C11orf65: variants seen among roughly 807,000 people sequenced by gnomAD.
C11orf65 encodes the protein chromosome 11 open reading frame 65, also known as protein MFI.
A neutral mutation model predicts 35.3 loss-of-function variants in C11orf65; 38 were observed. The observed-to-expected ratio is 1.08, with a 90% confidence interval of 0.83 to 1.41. The LOEUF (loss-of-function observed/expected upper bound fraction) is 1.41. C11orf65 is among the 40% of genes most tolerant of loss of function. The pLI is 0.00. For missense variants in C11orf65, 370 were observed against 367.1 expected, an observed-to-expected ratio of 1.01 and a Z score of -0.06; for synonymous variants, 105 against 114.4, an observed-to-expected ratio of 0.92 and a Z score of 0.53.
intron 2 of C11orf65, among the ~76,000 whole-genome samples, chr11:108,348,834 T>C (rs1369424090): frequency 2.0e-5 from 3 of 152,220 alleles, no homozygotes; most frequent in Non-Finnish European, 4.4e-5. Flanking sequence ...AATTCTCTTC[T>C]GCATAAGTTA....
At chr11:108,399,584 C>A (rs910110362) in intron 6 of C11orf65, among the ~76,000 whole-genome samples, 11 of 152,180 alleles carry the variant, frequency 7.2e-5, no homozygotes, top group African/African-American at 2.7e-4. Flanking sequence ...GTCATGGGGA[C>A]TTCCTATGAA....
At chr11:108,459,808 A>G (rs1345359560) in intron 2 of C11orf65, among the ~76,000 whole-genome samples, 2 of 151,174 alleles carry the variant, frequency 1.3e-5, no homozygotes, top group South Asian at 2.1e-4. Flanking sequence ...AAGCTCCTTC[A>G]AGGGCAAGGA....
At chr11:108,438,076 T>C (rs891170284) in intron 2 of C11orf65, among the ~76,000 whole-genome samples, 6 of 152,180 alleles carry the variant, frequency 3.9e-5, no homozygotes, top group African/African-American at 7.2e-5. Flanking sequence ...TGGAATAGCA[T>C]AGAGAGCCTC....
intron 2 of C11orf65, among the ~76,000 whole-genome samples, chr11:108,453,246 C>G (rs557656699): frequency 4.9e-5 from 7 of 143,678 alleles, no homozygotes; most frequent in African/African-American, 1.5e-4. Flanking sequence ...TTTAATCAAT[C>G]AAAATAACTA....
At chr11:108,413,438 G>GAT (rs957192703) in intron 3 of C11orf65, among the ~76,000 whole-genome samples, 9 of 151,658 alleles carry the variant, frequency 5.9e-5, no homozygotes, top group African/African-American at 1.5e-4. Flanking sequence ...GAGAACATTT[G>GAT]ATATATATAT....
chr11:108,317,578 A>G, intron 6 of C11orf65: 2 of 1,454,364 alleles, frequency 1.4e-6, no homozygotes, highest in Admixed American at 3.7e-5. Flanking sequence ...CTAAACAACA[A>G]CTGTTTTTCT....
At chr11:108,377,879 C>T (rs1324207016), downstream of C11orf65, among the ~76,000 whole-genome samples, 3 of 151,956 alleles carry the variant, frequency 2.0e-5, no homozygotes, top group Non-Finnish European at 4.4e-5. Flanking sequence ...CTCCCATTCA[C>T]AATTGCTTCA....
At chr11:108,401,247 T>A (rs2092433635) in intron 6 of C11orf65, among the ~76,000 whole-genome samples, 1 of 151,490 alleles carries the variant, frequency 6.6e-6, no homozygotes, top group Non-Finnish European at 1.5e-5. Context: ...AGATTGCACA[T>A]AACAGAAACA....
At chr11:108,390,367 T>C (rs972194186) in intron 7 of C11orf65, among the ~76,000 whole-genome samples, 3 of 152,236 alleles carry the variant, frequency 2.0e-5, no homozygotes, top group African/African-American at 7.2e-5. Flanking sequence ...CTTCACCTAC[T>C]ATCACTTAGC....
chr11:108,376,881 A>G (rs1258697096), intron 2 of C11orf65, among the ~76,000 whole-genome samples: 2 of 151,976 alleles, frequency 1.3e-5, no homozygotes, highest in Middle Eastern at 3.2e-3. Flanking sequence ...AAAATCTAGA[A>G]GAAATGGATA....
intron 2 of C11orf65, among the ~76,000 whole-genome samples, chr11:108,443,479 T>C (rs75330573): frequency 6.6e-6 from 1 of 152,160 alleles, no homozygotes; most frequent in Non-Finnish European, 1.5e-5. Flanking sequence ...GCAGACCTCA[T>C]AGACATCTAC....
At chr11:108,453,554 A>G (rs993472496) in intron 2 of C11orf65, among the ~76,000 whole-genome samples, 1 of 152,192 alleles carries the variant, frequency 6.6e-6, no homozygotes, top group Admixed American at 6.5e-5. Context: ...AAAGAATAGG[A>G]AAAGATGTCA....
intron 2 of C11orf65, among the ~76,000 whole-genome samples, chr11:108,352,601 T>G (rs562668393): frequency 6.6e-6 from 1 of 152,158 alleles, no homozygotes. Context: ...AAAATGGCCA[T>G]GTACTACAAA....
intron 2 of C11orf65, among the ~76,000 whole-genome samples, chr11:108,455,679 G>GGCGGCACATGCCTGTAATCCCA (rs2093402692): frequency 6.6e-6 from 1 of 151,938 alleles, no homozygotes; most frequent in African/African-American, 2.4e-5. Context: ...AGTCAGGTGT[G>GGCGGCACATGCCTGTAATCCCA]GCGGCACATG....
chr11:108,464,809 G>T (rs1404986098), intron 1 of C11orf65, among the ~76,000 whole-genome samples: 1 of 151,970 alleles, frequency 6.6e-6, no homozygotes, highest in African/African-American at 2.4e-5. Context: ...TATGCTGTTG[G>T]TATTTTTCCA....
intron 3 of C11orf65, among the ~76,000 whole-genome samples, chr11:108,414,254 T>C (rs1025177908): frequency 1.3e-5 from 2 of 152,092 alleles, no homozygotes; most frequent in African/African-American, 4.8e-5. Flanking sequence ...GAATACTTTA[T>C]TGTCATGATG....
At chr11:108,437,116 G>A (rs894685066) in intron 2 of C11orf65, among the ~76,000 whole-genome samples, 57 of 149,160 alleles carry the variant, frequency 3.8e-4, no homozygotes, top group Middle Eastern at 3.2e-3. Flanking sequence ...AAAAAGGGGG[G>A]GGGTGGACAA....
intron 6 of C11orf65, among the ~76,000 whole-genome samples, chr11:108,401,124 G>A (rs1410295212): frequency 6.7e-6 from 1 of 149,772 alleles, no homozygotes; most frequent in Non-Finnish European, 1.5e-5. Context: ...AAAAAAAAAA[G>A]AGAAAGAAAT....
intron 2 of C11orf65, among the ~76,000 whole-genome samples, chr11:108,354,050 TAA>T (rs1232618747): frequency 6.0e-4 from 80 of 132,574 alleles, no homozygotes; most frequent in Admixed American, 1.8e-3. Flanking sequence ...ACCCTGTATC[TAA>T]AAAAATACAC....
Sources: gnomAD v4.1 joint callset for allele counts (sites outside exome capture counted in the v4.1 genomes callset) on GRCh38, gnomAD v4.1.1 for gene constraint, MANE v1.5 for transcripts, NCBI Gene and HGNC (gene_info 2026-07-23, HGNC 2026-07-21) for gene names.